The following BMPR1A variants were observed in gnomAD, a reference collection of about 807,000 sequenced individuals.
BMPR1A encodes the protein bone morphogenetic protein receptor type 1A.
BMPR1A carries 7 observed loss-of-function variants against 66.0 expected under a neutral mutation model. The ratio of observed to expected loss-of-function variants is 0.11; its 90% CI spans 0.06 to 0.20. The LOEUF is 0.20. Among genes scored for constraint, BMPR1A ranks in the 10% least tolerant of loss-of-function variants. The pLI, the probability that BMPR1A is intolerant of heterozygous loss-of-function variation, is 1.00. For synonymous variants in BMPR1A, 200 were observed against 229.7 expected (o/e 0.87, Z 1.17); for missense variants, 408 against 669.1 (o/e 0.61, Z 4.31).
intron 2 of BMPR1A, among the ~76,000 whole-genome samples, chr10:86,843,067 T>C (rs1477844005): frequency 6.6e-6 from 1 of 152,198 alleles, no homozygotes; most frequent in Non-Finnish European, 1.5e-5. Context: ...TAGGCTATTC[T>C]TAACTGTTTC....
intron 2 of BMPR1A, among the ~76,000 whole-genome samples, chr10:86,862,796 A>T (rs1842729813): frequency 6.6e-6 from 1 of 152,174 alleles, no homozygotes; most frequent in Non-Finnish European, 1.5e-5. Context: ...AAAATAAAAA[A>T]AAAAAGATTT....
intron 9 of BMPR1A, among the ~76,000 whole-genome samples, chr10:86,918,301 G>A (rs991045457): frequency 3.3e-5 from 5 of 152,062 alleles, no homozygotes; most frequent in African/African-American, 1.2e-4. Context: ...GAATTTTGTC[G>A]GGGAGCACTG....
At position 86,926,172 on chromosome 10, in the gene BMPR1A, A is replaced by G. The variant is rs1039720953; in HGVS notation, c.*2453A>G. 10 of 165,136 alleles carry G rather than the reference A, an allele frequency of 6.1e-5. No homozygotes were observed. Among genetic ancestry groups the G allele is most frequent in the Non-Finnish European group, 2.6e-5 (2 of 75,596 alleles). 10.2% of individuals were successfully genotyped at this position (165,136 alleles called of 1,614,324 possible). A position where few individuals can be genotyped will look rare whatever the true frequency, so the allele number is the denominator to read the frequency against. The stretch of plus-strand genomic sequence containing the variant: ...TCTTAGAAACTTGCTCAGTAAAAAC[A>G]TTTTCTAGTATAACATGTTCTTTAA... On this transcript the variant is annotated 3_prime_UTR_variant, in exon 13 of 13. Transcript: ENST00000372037.
At position 86,837,268 on chromosome 10, in the gene BMPR1A, T is replaced by TGTGTGTGTGTAA. The variant is rs766878330; in HGVS notation, c.-267-1591_-267-1590insGTGTAAGTGTGT. On this transcript the variant is annotated intron_variant, in intron 1 of 12. Coordinates refer to ENST00000372037, the MANE Select transcript of BMPR1A (RefSeq NM_004329.3). ...GTGTCTGTGTGTGTGTGTGTGTGTGTGTGTGTAATCAGGCTGGTCTCGAAC... is the reference window on the plus strand; with the variant it reads ...GTGTCTGTGTGTGTGTGTGTGTGTGTGTGTGTGTGTAAGTGTGTAATCAGGCTGGTCTCGAAC... Among the ~76,000 whole-genome samples the TGTGTGTGTGTAA allele has an allele frequency of 7.6e-3, 1,159 of 151,914 alleles. 5 individuals carry two copies. The highest frequency in any genetic ancestry group is 0.013 in the Non-Finnish European group (901 of 67,930).
intron 1 of BMPR1A, among the ~76,000 whole-genome samples, chr10:86,816,695 A>G (rs369629089): frequency 6.6e-6 from 1 of 152,366 alleles, no homozygotes; most frequent in East Asian, 1.9e-4. Flanking sequence ...AAGAAATCGA[A>G]TGGCTTCAGG....
chr10:86,794,818 C>CTA (rs149848655), intron 1 of BMPR1A, among the ~76,000 whole-genome samples: 5,105 of 150,322 alleles, frequency 0.034, 130 homozygotes, highest in African/African-American at 0.064. Flanking sequence ...TTATCTATAT[C>CTA]TATATCTATA....
At chr10:86,796,003 G>A (rs1841704979) in intron 1 of BMPR1A, among the ~76,000 whole-genome samples, 1 of 152,098 alleles carries the variant, frequency 6.6e-6, no homozygotes, top group South Asian at 2.1e-4. Context: ...AAAGGTAGTG[G>A]TAAAAAGTCC....
chr10:86,869,273 C>T (rs979804879), intron 2 of BMPR1A, among the ~76,000 whole-genome samples: 1 of 151,952 alleles, frequency 6.6e-6, no homozygotes, highest in African/African-American at 2.4e-5. Context: ...GCCTGGCCAA[C>T]ATGGTGAAAC....
intron 1 of BMPR1A, among the ~76,000 whole-genome samples, chr10:86,772,060 A>G (rs1841271261): frequency 7.2e-6 from 1 of 139,838 alleles, no homozygotes; most frequent in South Asian, 2.1e-4. Context: ...TTCTTTAAAA[A>G]TTAGTGCTTT....
At chr10:86,784,547 G>T (rs1037030658) in intron 1 of BMPR1A, among the ~76,000 whole-genome samples, 1 of 152,054 alleles carries the variant, frequency 6.6e-6, no homozygotes, top group East Asian at 1.9e-4. Flanking sequence ...TGTTTCTTCA[G>T]TTTTTTTGGT....
chr10:86,904,943 C>T (rs919307813), intron 7 of BMPR1A, among the ~76,000 whole-genome samples: 4 of 152,158 alleles, frequency 2.6e-5, no homozygotes, highest in Non-Finnish European at 5.9e-5. Context: ...CAGATATATA[C>T]AATCTGTAAT....
intron 1 of BMPR1A, among the ~76,000 whole-genome samples, chr10:86,805,468 T>G (rs551555941): frequency 6.8e-6 from 1 of 147,908 alleles, no homozygotes; most frequent in African/African-American, 2.5e-5. Flanking sequence ...TTCCTTTTTT[T>G]TTTTTTTTTT....
chr10:86,794,934 C>T (rs2132816286), intron 1 of BMPR1A, among the ~76,000 whole-genome samples: 1 of 151,868 alleles, frequency 6.6e-6, no homozygotes, highest in Admixed American at 6.6e-5. Context: ...TCACCGCACA[C>T]TCCACCTCCT....
chr10:86,802,733 A>C (rs972738355), intron 1 of BMPR1A, among the ~76,000 whole-genome samples: 1 of 152,130 alleles, frequency 6.6e-6, no homozygotes, highest in African/African-American at 2.4e-5. Flanking sequence ...ACTCAACACC[A>C]ACTTGTCAGA....
chr10:86,821,368 A>G (rs1357056291), intron 1 of BMPR1A, among the ~76,000 whole-genome samples: 3 of 152,232 alleles, frequency 2.0e-5, no homozygotes, highest in African/African-American at 7.2e-5. Context: ...GCTGTTATTA[A>G]CAATATTGTC....
chr10:86,902,795 T>C (rs946596441), intron 7 of BMPR1A, among the ~76,000 whole-genome samples: 2 of 152,184 alleles, frequency 1.3e-5, no homozygotes, highest in African/African-American at 4.8e-5. Flanking sequence ...GCCAGTAGCC[T>C]GTCTCAGTTC....
In BMPR1A at chr10:86,821,398, ATTATTT is replaced by A. The variant is rs540240272; in HGVS notation, c.-267-17464_-267-17459del. Among the ~76,000 whole-genome samples, 59 of 152,278 alleles carry A rather than the reference ATTATTT, an allele frequency of 3.9e-4. No individual in the cohort carries two copies. In the East Asian group the frequency reaches 0.011, roughly 28 times the overall value. ...ATTGTCTGACTGTACTATAATTTACATTATTTTTGTTTTTGCTTGTTCTGCCGTCAT... is the reference window on the plus strand; with the variant it reads ...ATTGTCTGACTGTACTATAATTTACATTGTTTTTGCTTGTTCTGCCGTCAT... On this transcript the variant is annotated intron_variant, in intron 1 of 12. Transcript: ENST00000372037.
intron 2 of BMPR1A, among the ~76,000 whole-genome samples, chr10:86,871,113 A>G (rs1564709148): frequency 6.6e-6 from 1 of 152,092 alleles, no homozygotes; most frequent in Non-Finnish European, 1.5e-5. Flanking sequence ...TGTGCTTAGA[A>G]CTTCCCGTCT....
intron 4 of BMPR1A, among the ~76,000 whole-genome samples, chr10:86,891,553 C>T (rs1289531015): frequency 6.6e-6 from 1 of 152,106 alleles, no homozygotes; most frequent in Non-Finnish European, 1.5e-5. Context: ...AGGATGCTAA[C>T]ACTAAAATAA....
Sources: allele counts gnomAD v4.1 joint callset (sites outside exome capture counted in the v4.1 genomes callset), GRCh38; gene constraint gnomAD v4.1.1; transcripts MANE v1.5; gene names NCBI Gene and HGNC (gene_info 2026-07-23, HGNC 2026-07-21).